TRHDE: variants seen among roughly 807,000 people sequenced by gnomAD.
TRHDE encodes the protein thyrotropin releasing hormone degrading enzyme.
TRHDE carries 72 observed loss-of-function variants against 125.7 expected under a neutral mutation model. That is an observed-to-expected ratio of 0.57 (90% CI 0.47 to 0.70). The LOEUF (loss-of-function observed/expected upper bound fraction) is 0.70. Ranked by LOEUF, TRHDE falls within the 30% of genes least tolerant of loss-of-function variation. The pLI is 0.00. For synonymous variants in TRHDE, 509 were observed against 509.1 expected (o/e 1.00, Z 0.00); for missense variants, 1,110 against 1,327.1 (o/e 0.84, Z 2.54).
intron 2 of TRHDE, among the ~76,000 whole-genome samples, chr12:72,217,446 A>G (rs748589572): frequency 2.0e-5 from 3 of 152,252 alleles, no homozygotes; most frequent in Non-Finnish European, 4.4e-5. Context: ...CATTTACTAT[A>G]TTTGGAAAAA....
chr12:72,341,434 C>T (rs1870083604), intron 2 of TRHDE, among the ~76,000 whole-genome samples: 1 of 151,858 alleles, frequency 6.6e-6, no homozygotes, highest in African/African-American at 2.4e-5. Context: ...TGTGAATCAC[C>T]CCATATTTCT....
At chr12:72,524,937 T>A (rs771287680) in intron 6 of TRHDE, among the ~76,000 whole-genome samples, 17 of 152,208 alleles carry the variant, frequency 1.1e-4, no homozygotes, top group Non-Finnish European at 2.1e-4. Context: ...TTATGTCTAG[T>A]GAATCCTTTT....
upstream of TRHDE, among the ~76,000 whole-genome samples, chr12:72,269,021 T>C (rs1879132086): frequency 6.6e-6 from 1 of 152,112 alleles, no homozygotes; most frequent in South Asian, 2.1e-4. Flanking sequence ...AAACCTATCT[T>C]GAATCCAGTG....
intron 3 of TRHDE, among the ~76,000 whole-genome samples, chr12:72,414,600 T>C (rs771490507): frequency 1.6e-4 from 24 of 152,092 alleles, no homozygotes; most frequent in Non-Finnish European, 2.6e-4. Context: ...ATGTAAGCAA[T>C]AGAGACCAGC....
chr12:72,307,133 C>G (rs114263781), intron 2 of TRHDE, among the ~76,000 whole-genome samples: 2,038 of 152,042 alleles, frequency 0.013, 43 homozygotes, highest in African/African-American at 0.047. Context: ...TGGAAGGTTT[C>G]AAGCAGAGGA....
At chr12:72,370,715 C>T (rs1208123252) in intron 2 of TRHDE, among the ~76,000 whole-genome samples, 1 of 151,854 alleles carries the variant, frequency 6.6e-6, no homozygotes. Flanking sequence ...CCTATGAATT[C>T]CCACACTTTA....
chr12:72,255,165 C>T (rs755271878), intron 2 of TRHDE: 11 of 152,218 alleles, frequency 7.2e-5, no homozygotes, highest in East Asian at 3.9e-4. Flanking sequence ...TCTGTCCCTC[C>T]GTAAGCTTTT....
chr12:72,105,486 C>T (rs553911234), intron 1 of TRHDE, among the ~76,000 whole-genome samples: 13 of 152,170 alleles, frequency 8.5e-5, no homozygotes, highest in African/African-American at 3.1e-4. Context: ...GAATGCCAAG[C>T]ATGGAAATCA....
At chr12:72,657,086 T>C (rs1874735598) in intron 18 of TRHDE, 78 bp downstream of exon 18, 3 of 910,076 alleles carry the variant, frequency 3.3e-6, no homozygotes. Context: ...GTCATTTCTT[T>C]CCAACAGATT....
At chr12:72,516,552 A>G (rs1254223788) in intron 6 of TRHDE, among the ~76,000 whole-genome samples, 16 of 152,056 alleles carry the variant, frequency 1.1e-4, no homozygotes, top group African/African-American at 2.4e-4. Context: ...GGGCTGAGAC[A>G]ATGGGGTTTT....
chr12:72,537,209 A>C (rs570669901), intron 6 of TRHDE, among the ~76,000 whole-genome samples: 1 of 152,090 alleles, frequency 6.6e-6, no homozygotes, highest in Non-Finnish European at 1.5e-5. Flanking sequence ...CAAATAGTTA[A>C]TGAATGACAG....
At chr12:72,362,821 A>C (rs2135753703) in intron 2 of TRHDE, among the ~76,000 whole-genome samples, 1 of 152,188 alleles carries the variant, frequency 6.6e-6, no homozygotes, top group African/African-American at 2.4e-5. Flanking sequence ...TAAATAGGGA[A>C]TCCTTTCCCC....
chr12:72,374,607 A>C (rs1315236668), intron 2 of TRHDE, among the ~76,000 whole-genome samples: 1 of 152,152 alleles, frequency 6.6e-6, no homozygotes, highest in Non-Finnish European at 1.5e-5. Flanking sequence ...ATCGGGCAGG[A>C]GACTGAGGAG....
At chr12:72,345,365 C>T (rs117688047) in intron 2 of TRHDE, among the ~76,000 whole-genome samples, 24 of 152,182 alleles carry the variant, frequency 1.6e-4, no homozygotes, top group Non-Finnish European at 3.2e-4. Context: ...AACATGATGT[C>T]ATTGAATGCA....
intron 5 of TRHDE, 134 bp from the exon 6 acceptor site, chr12:72,499,364 A>G: frequency 8.7e-7 from 1 of 1,155,648 alleles, no homozygotes; most frequent in South Asian, 1.7e-5. Context: ...TATTGGGTTC[A>G]CTTTAGAGTT....
At chr12:72,167,389 C>A (rs1031399600) in intron 2 of TRHDE, 3 of 152,096 alleles carry the variant, frequency 2.0e-5, no homozygotes, top group African/African-American at 7.2e-5. Context: ...ATGGAAAGAA[C>A]AGTAATTTTC....
chr12:72,607,726 C>G (rs1872505479), intron 12 of TRHDE, among the ~76,000 whole-genome samples: 1 of 152,072 alleles, frequency 6.6e-6, no homozygotes, highest in Non-Finnish European at 1.5e-5. Context: ...AATGGTCTAA[C>G]TTTGGCCAGG....
At chr12:72,410,227 A>G (rs963085656) in intron 3 of TRHDE, among the ~76,000 whole-genome samples, 1 of 152,020 alleles carries the variant, frequency 6.6e-6, no homozygotes, top group Non-Finnish European at 1.5e-5. Flanking sequence ...ATATATTAAT[A>G]GTATTTTATC....
chr12:72,199,309 A>G (rs986188407), intron 2 of TRHDE, among the ~76,000 whole-genome samples: 1 of 152,208 alleles, frequency 6.6e-6, no homozygotes, highest in Non-Finnish European at 1.5e-5. Context: ...TTCACTGGAC[A>G]CAACAGAGGT....
Sources: gnomAD v4.1 joint callset for allele counts (sites outside exome capture counted in the v4.1 genomes callset) on GRCh38, gnomAD v4.1.1 for gene constraint, MANE v1.5 for transcripts, NCBI Gene and HGNC (gene_info 2026-07-23, HGNC 2026-07-21) for gene names.